ZNF862: variants seen among roughly 807,000 people sequenced by gnomAD.
ZNF862 encodes the protein zinc finger protein 862.
A neutral mutation model predicts 91.1 loss-of-function variants in ZNF862; 64 were observed. The ratio of observed to expected loss-of-function variants is 0.70; its 90% CI spans 0.57 to 0.87. The LOEUF (loss-of-function observed/expected upper bound fraction) is 0.87, where lower values mean the gene tolerates loss of function less well. Among genes scored for constraint, ZNF862 ranks in the 40% least tolerant of loss-of-function variants. The pLI is 0.00. For missense variants in ZNF862, 1,459 were observed against 1,528.0 expected (o/e 0.95, Z 0.75); for synonymous variants, 631 against 618.1 (o/e 1.02, Z -0.31).
Position 149,841,196 on chromosome 7 carries a change from C to T in ZNF862, c.24+2561C>T, listed in dbSNP as rs550069044. On this transcript the variant is annotated intron_variant, in intron 1 of 7. Transcript: ENST00000223210. ...GCGGTGCTGTTCTACAACTCCACTC[C>T]GAACAGCATTCTTATGGCTCAGAAC... 4.3e-5 allele frequency: 42 copies of T among 985,378 alleles called. No individual in the cohort carries two copies. In the South Asian group the frequency reaches 5.2e-4, roughly 12 times the overall value. The allele number at this position is 985,378 out of a possible 1,614,324, so 61.0% of individuals were successfully genotyped here.
At position 149,855,851 on chromosome 7, in the gene ZNF862, C is replaced by T. The variant is rs1025304799; in HGVS notation, c.1118-3571C>T. 6.6e-6 allele frequency: 1 copy of T among 152,268 alleles called. No homozygotes were observed. The highest frequency in any genetic ancestry group is 1.5e-5 in the Non-Finnish European group (1 of 68,110). 9.4% of individuals were successfully genotyped at this position (152,268 alleles called of 1,614,324 possible). A position where few individuals can be genotyped will look rare whatever the true frequency, so the allele number is the denominator to read the frequency against. ...CAGACCTGGGATTGTAGGCCTTTCT[C>T]GACATGGCCACCTCCAAGGCACCCC... is the stretch of plus-strand genomic sequence containing the variant. On this transcript the variant is annotated intron_variant, in intron 5 of 7. Transcript: ENST00000223210. The surrounding 1 kb of genome is among the most constrained non-coding windows in gnomAD (Gnocchi z 4.1).
Position 149,850,277 on chromosome 7 carries a change from G to A in ZNF862, c.1056G>A (p.Lys352=), listed in dbSNP as rs376721380. ...FTREEWGMLD[K]RQKELYRDVM... ...GGGAGGAGTGGGGCATGCTAGACAAGCGGCAGAAGGAGCTGTACAGAGACG... is the reference window on the plus strand; with the variant it reads ...GGGAGGAGTGGGGCATGCTAGACAAACGGCAGAAGGAGCTGTACAGAGACG... The change falls in exon 5 of 8, where the codon AAG becomes AAA. Residue 352 remains lysine (K), a synonymous_variant. Transcript: ENST00000223210. This position sits in a 1 kb window ranked among gnomAD's most constrained non-coding sequence, Gnocchi z 4.2. The A allele has an allele frequency of 5.9e-5, 95 of 1,613,756 alleles. No individual in the cohort carries two copies. Among genetic ancestry groups the A allele is most frequent in the Non-Finnish European group, 7.7e-5 (91 of 1,179,942 alleles).
chr7:149,850,141 G>T lies in ZNF862; in HGVS notation c.940-20G>T. On this transcript the variant is annotated intron_variant, in intron 4 of 7. Coordinates refer to ENST00000223210, the MANE Select transcript of ZNF862 (RefSeq NM_001099220.3). This position sits in a 1 kb window ranked among gnomAD's most constrained non-coding sequence, Gnocchi z 4.2. ...CTGGCTCGGCAGGCGGTGCTGAGTG[G>T]CCGCTGCTCTTTGTTCCAGGACCCT... 1 of 1,552,130 alleles carries T rather than the reference G, an allele frequency of 6.4e-7. No homozygotes were observed. The highest frequency in any genetic ancestry group is 2.0e-4 in the Middle Eastern group (1 of 4,908).
Position 149,848,353 on chromosome 7 carries a change from A to C in ZNF862, c.860A>C (p.Gln287Pro). 4 of 1,606,064 alleles carry C rather than the reference A, an allele frequency of 2.5e-6. No individual in the cohort carries two copies. In the Admixed American group the frequency reaches 6.8e-5, roughly 27 times the overall value. ...MYLDCISDLR[Q>P]KEITDGIHSS... ...CTAGACTGCATTTCAGATTTGAGGC[A>C]AAAAGAAATCACTGATGGCATCCAC... Residue 287 changes from glutamine (Q) to proline (P), a missense_variant, in exon 4 of 8, where the codon CAA (glutamine) becomes CCA (proline). Transcript: ENST00000223210.
rs1337314353 is a variant in ZNF862, at chr7:149,862,399, C to A, written c.3239C>A (p.Pro1080His). The A allele has an allele frequency of 6.2e-7, 1 of 1,612,556 alleles. No homozygotes were observed. Among genetic ancestry groups the A allele is most frequent in the Non-Finnish European group, 8.5e-7 (1 of 1,179,662 alleles). Residue 1080 changes from proline to histidine, a missense_variant, in exon 7 of 8, where the codon CCC becomes CAC. Physicochemically the swap from Pro to His is moderately conservative, Grantham distance 77. Transcript: ENST00000223210. ...VNGVAVTEYD[P>H]QPAIQHWYLT... ...GGCGTGGCCGTCACGGAGTACGACC[C>A]CCAGCCCGCCATCCAGCACTGGTAC...
In ZNF862 at chr7:149,855,618, C is replaced by T. The variant is rs1563122219; in HGVS notation, c.1118-3804C>T. On this transcript the variant is annotated intron_variant, in intron 5 of 7. Transcript: ENST00000223210. This position sits in a 1 kb window ranked among gnomAD's most constrained non-coding sequence, Gnocchi z 4.1. ...TTTGTGGGTTCTGCAGTACCCCCAA[C>T]AGGCACTGAGACCCTCTCGCTTGCA... 1.3e-5 allele frequency among the ~76,000 whole-genome samples: 2 copies of T among 152,252 alleles called. No individual in the cohort carries two copies. Among genetic ancestry groups the T allele is most frequent in the Non-Finnish European group, 2.9e-5 (2 of 68,046 alleles).
chr7:149,864,039 T>C, intron 7 of ZNF862, 70 bp from the exon 8 acceptor site: 1 of 1,490,712 alleles, frequency 6.7e-7, no homozygotes. Flanking sequence ...AAACAGCCCC[T>C]GGGCGAAGCT....
At position 149,860,785 on chromosome 7, in the gene ZNF862, C is replaced by T. The variant is rs1372639039; in HGVS notation, c.1625C>T (p.Ala542Val). ...ATCAAGGAAGACACCCCTCACACTG[C>T]CCTCGTTCCAGAGATCTCCAGCGAC... ...VEIKEDTPHT[A>V]LVPEISSDLM... The change falls in exon 7 of 8, where the codon GCC becomes GTC. Residue 542 changes from alanine to valine, a missense_variant. Transcript: ENST00000223210. 7 of 1,613,742 alleles carry T rather than the reference C, an allele frequency of 4.3e-6. No homozygotes were observed. In the African/African-American group the frequency reaches 5.3e-5, roughly 12 times the overall value.
intron 1 of ZNF862, among the ~76,000 whole-genome samples, chr7:149,839,778 A>G (rs1380938743): frequency 1.3e-5 from 2 of 152,218 alleles, no homozygotes; most frequent in African/African-American, 2.4e-5. Context: ...GGTCCAAGCC[A>G]ATAAAGCTCA....
chr7:149,854,048 T>G (rs1297095460), intron 5 of ZNF862, among the ~76,000 whole-genome samples: 3 of 152,214 alleles, frequency 2.0e-5, no homozygotes, highest in Non-Finnish European at 4.4e-5. Context: ...GCCGCATTAT[T>G]TCTAAATAAC....
intron 5 of ZNF862, among the ~76,000 whole-genome samples, chr7:149,856,735 GTC>G (rs1802278746): frequency 6.6e-6 from 1 of 152,180 alleles, no homozygotes; most frequent in Admixed American, 6.5e-5. Flanking sequence ...ATGTGCCTTT[GTC>G]TCTCCCCCAT....
chr7:149,843,980 C>T (rs566173674), intron 1 of ZNF862, among the ~76,000 whole-genome samples: 3 of 152,244 alleles, frequency 2.0e-5, no homozygotes, highest in African/African-American at 7.2e-5. Context: ...CTGTCATCTC[C>T]TTGTTGCGCC....
chr7:149,851,117 G>A lies in ZNF862; in HGVS notation c.1117+779G>A, dbSNP rs544686113. Among the ~76,000 whole-genome samples the A allele has an allele frequency of 1.4e-4, 22 of 152,190 alleles. 1 individual carries two copies. In the Middle Eastern group the frequency reaches 0.01, roughly 71 times the overall value. The stretch of plus-strand genomic sequence containing the variant: ...AGATGGAAAGACAACTTTTTTTGTT[G>A]GAGACAGTCTCACTCTGTCGCCCAA... On this transcript the variant is annotated intron_variant, in intron 5 of 7. Transcript: ENST00000223210.
intron 1 of ZNF862, chr7:149,841,645 CAT>C: frequency 1.0e-6 from 1 of 985,370 alleles, no homozygotes; most frequent in Non-Finnish European, 1.2e-6. Flanking sequence ...CCCGCCACCT[CAT>C]GTGCCTCCTA....
At chr7:149,846,291 G>C in intron 3 of ZNF862, 36 bp downstream of exon 3, 1 of 1,545,234 alleles carries the variant, frequency 6.5e-7, no homozygotes, top group Non-Finnish European at 8.9e-7. Context: ...CAGATGCTTG[G>C]CTGGAGAGGG....
rs1299643352 is a variant in ZNF862 at position 149,862,438 on chromosome 7, G to A, written c.3278G>A (p.Gly1093Asp). 6.2e-7 allele frequency: 1 copy of A among 1,611,770 alleles called. No homozygotes were observed. ...CAGCACTGGTACCTGACCTCCTCAG[G>A]CCGGCGTTTCAGCCATGTCTACACC... ...AIQHWYLTSSGRRFSHVYTCA... is the reference protein window; with the variant it reads ...AIQHWYLTSSDRRFSHVYTCA... The change falls in exon 7 of 8, where the codon GGC becomes GAC. Residue 1093 changes from glycine to aspartate, a missense_variant. Physicochemically the swap from Gly to Asp is moderately conservative, Grantham distance 94. Transcript: ENST00000223210.
chr7:149,860,131 T>G, intron 6 of ZNF862: 2 of 521,326 alleles, frequency 3.8e-6, no homozygotes, highest in Non-Finnish European at 6.7e-6. Context: ...GGTAGCTGTG[T>G]GGATAGGGTG....
Position 149,850,079 on chromosome 7 carries a change from A to T in ZNF862, c.940-82A>T, listed in dbSNP as rs1272460895. ...TCTTGGTGAGCTTCCCAGGAGAAAT[A>T]GGGCTTCCAAAGGCCCCAGAAGTGT... is the stretch of plus-strand genomic sequence containing the variant. On this transcript the variant is annotated intron_variant, in intron 4 of 7. Coordinates refer to ENST00000223210, the MANE Select transcript of ZNF862 (RefSeq NM_001099220.3). This position sits in a 1 kb window ranked among gnomAD's most constrained non-coding sequence, Gnocchi z 4.2. The T allele has an allele frequency of 6.9e-7, 1 of 1,449,344 alleles. No individual in the cohort carries two copies. 89.8% of individuals were successfully genotyped at this position (1,449,344 alleles called of 1,614,324 possible). A position where few individuals can be genotyped will look rare whatever the true frequency, so the allele number is the denominator to read the frequency against.
At position 149,847,928 on chromosome 7, in the gene ZNF862, GC is replaced by G; in HGVS notation, c.436del (p.Gln146SerfsTer5). 1 of 1,606,548 alleles carries G rather than the reference GC, an allele frequency of 6.2e-7. No individual in the cohort carries two copies. The highest frequency in any genetic ancestry group is 8.5e-7 in the Non-Finnish European group (1 of 1,176,200). ...PRSIQKSWFVQFPWLIMNEEQ... is the reference protein window; with the variant it reads ...PRSIQKSWFVXFPWLIMNEEQ... ...GGTCCATCCAGAAGTCGTGGTTTGT[GC>G]AGTTTCCGTGGCTGATCATGAATGA... is the stretch of plus-strand genomic sequence containing the variant. On this transcript the variant is annotated frameshift_variant, in exon 4 of 8. Transcript: ENST00000223210. LOFTEE classifies it high-confidence loss of function.
Sources: gnomAD v4.1 joint callset for allele counts (sites outside exome capture counted in the v4.1 genomes callset) on GRCh38, gnomAD v4.1.1 for gene constraint, Gnocchi (gnomAD v3.1) non-coding constraint, MANE v1.5 for transcripts, NCBI Gene and HGNC (gene_info 2026-07-23, HGNC 2026-07-21) for gene names.